Variants in RPL38 observed in about 807,000 individuals in gnomAD.
RPL38 encodes ribosomal protein L38, also known as large ribosomal subunit protein eL38.
A neutral mutation model predicts 12.8 loss-of-function variants in RPL38; 2 were observed. The ratio of observed to expected loss-of-function variants is 0.16; its 90% CI spans 0.06 to 0.49. The LOEUF (loss-of-function observed/expected upper bound fraction) is 0.49. Among genes scored for constraint, RPL38 ranks in the 20% least tolerant of loss-of-function variants. The probability of loss-of-function intolerance (pLI) is 0.96; values close to 1 mark genes in which losing one functional copy is unlikely to be tolerated. For missense variants in RPL38, 52 were observed against 79.8 expected, an observed-to-expected ratio of 0.65 and a Z score of 1.33; for synonymous variants, 42 against 30.1, an observed-to-expected ratio of 1.39 and a Z score of -1.29.
intron 3 of RPL38, among the ~76,000 whole-genome samples, chr17:74,208,401 A>G (rs975983087): frequency 1.3e-5 from 2 of 152,186 alleles, no homozygotes; most frequent in Non-Finnish European, 2.9e-5. Flanking sequence ...CTGAGCCATG[A>G]TCCTGAAATA....
At chr17:74,207,975 C>T (rs1265824367) in intron 3 of RPL38, among the ~76,000 whole-genome samples, 1 of 152,200 alleles carries the variant, frequency 6.6e-6, no homozygotes, top group Non-Finnish European at 1.5e-5. Flanking sequence ...GGCTCTGAGT[C>T]ACAGTGCTGC....
In RPL38 at chr17:74,209,182, G is replaced by A. The variant is rs755631880; in HGVS notation, c.65-5G>A. ...AATTTAATTCCTGATTCTGGTCTCC[G>A]GTAGCTGTCAAGATCAAGAAAAATA... On this transcript the variant is annotated splice_region_variant and splice_polypyrimidine_tract_variant and intron_variant, in intron 3 of 4. Transcript: ENST00000311111. 8.7e-6 allele frequency: 14 copies of A among 1,613,126 alleles called. No individual in the cohort carries two copies. Among genetic ancestry groups the A allele is most frequent in the African/African-American group, 2.7e-5 (2 of 74,818 alleles).
At chr17:74,204,347 A>G in intron 3 of RPL38, 157 bp downstream of exon 3, 1 of 653,576 alleles carries the variant, frequency 1.5e-6, no homozygotes, top group East Asian at 2.7e-5. Context: ...CCCATGAGAA[A>G]GACCTGTGGG....
intron 3 of RPL38, 126 bp from the exon 4 acceptor site, chr17:74,209,061 A>AG: frequency 1.1e-6 from 1 of 943,144 alleles, no homozygotes; most frequent in East Asian, 2.4e-5. Context: ...GTTTGCACAG[A>AG]GGGATGGTAC....
rs1257815869 is a variant in RPL38, at chr17:74,203,689, T to G, written c.-95T>G. ...ACGGAAGTCTCGTTCTTTTTCGTCC[T>G]TTTCCCCGGTTGCTGCTTGCTGTGA... On this transcript the variant is annotated 5_prime_UTR_variant, in exon 1 of 5. Coordinates refer to ENST00000311111, the MANE Select transcript of RPL38 (RefSeq NM_000999.4). 1 of 500,164 alleles carries G rather than the reference T, an allele frequency of 2.0e-6. No homozygotes were observed. Among genetic ancestry groups the G allele is most frequent in the Admixed American group, 3.6e-5 (1 of 27,846 alleles). The allele number at this position is 500,164 out of a possible 1,614,324, so 31.0% of individuals were successfully genotyped here. A position where few individuals can be genotyped will look rare whatever the true frequency, so the allele number is the denominator to read the frequency against.
At chr17:74,208,601 C>T (rs925498447) in intron 3 of RPL38, among the ~76,000 whole-genome samples, 8 of 152,286 alleles carry the variant, frequency 5.3e-5, no homozygotes, top group African/African-American at 1.9e-4. Flanking sequence ...TCCCAGCAGA[C>T]AGCCCGTCTC....
chr17:74,204,764 C>G (rs917293390), intron 3 of RPL38: 1 of 152,062 alleles, frequency 6.6e-6, no homozygotes, highest in African/African-American at 2.4e-5. Flanking sequence ...TGCAGTGGTG[C>G]GATCTTGGCT....
chr17:74,205,667 C>T (rs982698522), intron 3 of RPL38: 2 of 152,164 alleles, frequency 1.3e-5, no homozygotes, highest in African/African-American at 4.8e-5. Context: ...CCAACTCTAC[C>T]TGCAGGTAAC....
chr17:74,204,215 A>G, intron 3 of RPL38, 25 bp downstream of exon 3: 4 of 1,611,410 alleles, frequency 2.5e-6, no homozygotes, highest in Non-Finnish European at 2.5e-6. Flanking sequence ...CGAAGGTTCA[A>G]GAAGAGCGGT....
intron 3 of RPL38, chr17:74,204,967 G>A (rs923769026): frequency 2.0e-5 from 3 of 152,230 alleles, no homozygotes. Context: ...TTACAGGTGT[G>A]AGCCACTGTG....
In RPL38 at chr17:74,203,966, C is replaced by T. The variant is rs762316470; in HGVS notation, c.3+8C>T. 20 of 1,612,676 alleles carry T rather than the reference C, an allele frequency of 1.2e-5. No individual in the cohort carries two copies. Among genetic ancestry groups the T allele is most frequent in the Admixed American group, 5.0e-5 (3 of 59,820 alleles). On this transcript the variant is annotated splice_region_variant and intron_variant, in intron 2 of 4. Coordinates refer to ENST00000311111, the MANE Select transcript of RPL38 (RefSeq NM_000999.4). ...GCGCGCCTCGTCGCCATGGTGAGTA[C>T]AGTCCCTGCCTGGCGCCTTCCCGGG...
At chr17:74,208,589 A>C (rs966892265) in intron 3 of RPL38, among the ~76,000 whole-genome samples, 3 of 152,196 alleles carry the variant, frequency 2.0e-5, no homozygotes, top group Admixed American at 2.0e-4. Flanking sequence ...AAAAGCGCTC[A>C]GTCCCAGCAG....
chr17:74,206,995 C>T (rs570812684), intron 3 of RPL38, among the ~76,000 whole-genome samples: 104 of 151,974 alleles, frequency 6.8e-4, no homozygotes, highest in African/African-American at 2.4e-3. Context: ...GGATTACAGG[C>T]GTGAGCCACT....
chr17:74,209,910 GA>G lies in RPL38; in HGVS notation c.*86del. 6 of 1,213,444 alleles carry G rather than the reference GA, an allele frequency of 4.9e-6. No homozygotes were observed. Among genetic ancestry groups the G allele is most frequent in the South Asian group, 1.2e-5 (1 of 81,868 alleles). 75.2% of individuals were successfully genotyped at this position (1,213,444 alleles called of 1,614,324 possible). On this transcript the variant is annotated 3_prime_UTR_variant, in exon 5 of 5. Coordinates refer to ENST00000311111, the MANE Select transcript of RPL38 (RefSeq NM_000999.4). ...CTTTCGTCTTTGCGGATGGGAAAGG[GA>G]AAAATGCTACCTCGTAGTGGCTTCT...
chr17:74,209,976 GTCT>G lies in RPL38; in HGVS notation c.*149_*151del. The G allele has an allele frequency of 4.8e-6, 2 of 414,240 alleles. No individual in the cohort carries two copies. Among genetic ancestry groups the G allele is most frequent in the South Asian group, 2.9e-5 (1 of 34,050 alleles). 25.7% of individuals were successfully genotyped at this position (414,240 alleles called of 1,614,324 possible). A position where few individuals can be genotyped will look rare whatever the true frequency, so the allele number is the denominator to read the frequency against. The stretch of plus-strand genomic sequence containing the variant: ...GCGGGTTCTGTTGCTGCCTTCCTGT[GTCT>G]TTTTTTTTTTTTTTTTTTCTTTCTT... On this transcript the variant is annotated 3_prime_UTR_variant, in exon 5 of 5. Coordinates refer to ENST00000311111, the MANE Select transcript of RPL38 (RefSeq NM_000999.4).
At chr17:74,204,820 A>G (rs1006994787) in intron 3 of RPL38, 6 of 152,058 alleles carry the variant, frequency 3.9e-5, no homozygotes, top group Non-Finnish European at 7.3e-5. Flanking sequence ...CCCTGCCTCA[A>G]AGTAGCTGGG....
chr17:74,205,710 C>T (rs2050107213), intron 3 of RPL38: 1 of 152,154 alleles, frequency 6.6e-6, no homozygotes, highest in South Asian at 2.1e-4. Context: ...CACGACACCA[C>T]CGTTTGATTG....
rs551487221 is a variant in RPL38 at position 74,209,528 on chromosome 17, A to T, written c.187+219A>T. The stretch of plus-strand genomic sequence containing the variant: ...TTAGCCAGAAGAGCGGTTAGAGCTC[A>T]TTTAATCCTGTTCACGACCCTTCGA... On this transcript the variant is annotated intron_variant, in intron 4 of 4. Coordinates refer to ENST00000311111, the MANE Select transcript of RPL38 (RefSeq NM_000999.4). 6.1e-6 allele frequency: 4 copies of T among 657,498 alleles called. No homozygotes were observed. The South Asian group carries it at 7.9e-5, about 13-fold the overall frequency. The allele number at this position is 657,498 out of a possible 1,614,324, so 40.7% of individuals were successfully genotyped here. A position where few individuals can be genotyped will look rare whatever the true frequency, so the allele number is the denominator to read the frequency against.
intron 3 of RPL38, chr17:74,206,177 C>G (rs938331488): frequency 1.3e-5 from 2 of 152,112 alleles, no homozygotes; most frequent in Non-Finnish European, 2.9e-5. Flanking sequence ...GTAAAAGTTA[C>G]CATTTACACT....
Sources: gnomAD v4.1 joint callset for allele counts (sites outside exome capture counted in the v4.1 genomes callset) on GRCh38, gnomAD v4.1.1 for gene constraint, MANE v1.5 for transcripts, NCBI Gene and HGNC (gene_info 2026-07-23, HGNC 2026-07-21) for gene names.